Variants in HHAT observed in about 807,000 individuals in gnomAD.
HHAT encodes the protein protein-cysteine N-palmitoyltransferase HHAT.
Under a neutral mutation model 70.8 loss-of-function variants are expected in HHAT, and 47 were observed. The ratio of observed to expected loss-of-function variants is 0.66; its 90% CI spans 0.53 to 0.85. The LOEUF is 0.85. Among genes scored for constraint, HHAT ranks in the 40% least tolerant of loss-of-function variants. The pLI is 0.00. For missense variants in HHAT, 609 were observed against 604.8 expected (o/e 1.01, Z -0.07); for synonymous variants, 228 against 247.6 (o/e 0.92, Z 0.74).
At chr1:210,389,621 T>C (rs974967148) in intron 4 of HHAT, among the ~76,000 whole-genome samples, 2 of 152,230 alleles carry the variant, frequency 1.3e-5, no homozygotes, top group Non-Finnish European at 2.9e-5. Flanking sequence ...TCTGCCACGG[T>C]AAGATATGTT....
At chr1:210,419,790 T>A (rs938323157) in intron 7 of HHAT, among the ~76,000 whole-genome samples, 7 of 152,236 alleles carry the variant, frequency 4.6e-5, no homozygotes, top group African/African-American at 1.7e-4. Flanking sequence ...TTGTAAAGTT[T>A]TAATGATACA....
chr1:210,608,024 C>T (rs1047053134), intron 10 of HHAT, among the ~76,000 whole-genome samples: 4 of 152,184 alleles, frequency 2.6e-5, no homozygotes. Context: ...ATAGTATATG[C>T]AGATCTGTGT....
intron 1 of HHAT, 131 bp downstream of exon 1, chr1:210,329,235 G>A (rs949696668): frequency 8.0e-7 from 1 of 1,243,022 alleles, no homozygotes. Context: ...GTGCGCGCCC[G>A]AGGGCGGGAC....
At chr1:210,526,601 C>G (rs2148622023) in intron 9 of HHAT, among the ~76,000 whole-genome samples, 1 of 152,176 alleles carries the variant, frequency 6.6e-6, no homozygotes, top group African/African-American at 2.4e-5. Flanking sequence ...GACTGCCGTA[C>G]CTCTCTTGCT....
At chr1:210,373,326 A>G (rs766090778) in intron 3 of HHAT, among the ~76,000 whole-genome samples, 34 of 152,088 alleles carry the variant, frequency 2.2e-4, no homozygotes, top group Non-Finnish European at 3.8e-4. Flanking sequence ...AGGAGGGAAA[A>G]CATTTCCTTC....
chr1:210,534,639 G>A lies in HHAT; in HGVS notation c.1043+21451G>A, dbSNP rs2095351296. On this transcript the variant is annotated intron_variant, in intron 9 of 11. Coordinates refer to ENST00000261458, the MANE Select transcript of HHAT (RefSeq NM_018194.6). ...GTTTAATGTATACCTTATATACATA[G>A]CCTGAAGGTAATTTTATACCATATT... Among the ~76,000 whole-genome samples the A allele has an allele frequency of 2.0e-5, 3 of 152,132 alleles. No homozygotes were observed. In the South Asian group the frequency reaches 6.2e-4, roughly 32 times the overall value.
chr1:210,652,165 T>C (rs550034242), intron 11 of HHAT, among the ~76,000 whole-genome samples: 65 of 151,810 alleles, frequency 4.3e-4, no homozygotes, highest in African/African-American at 1.5e-3. Context: ...GGATGATAGA[T>C]GGAATAGAGG....
chr1:210,328,954 A>AG lies in HHAT; in HGVS notation c.-194_-193insG. 8.1e-7 allele frequency: 1 copy of AG among 1,236,506 alleles called. No individual in the cohort carries two copies. The highest frequency in any genetic ancestry group is 1.0e-6 in the Non-Finnish European group (1 of 967,364). 76.6% of individuals were successfully genotyped at this position (1,236,506 alleles called of 1,614,324 possible). On this transcript the variant is annotated 5_prime_UTR_variant, in exon 1 of 12. Coordinates refer to ENST00000261458, the MANE Select transcript of HHAT (RefSeq NM_018194.6). ...GGACGCGCGCTGCGCTGCTCCTCCA[A>AG]AGGGCAGCTCCGGGGGAAAGAGGGT...
chr1:210,589,770 C>T (rs1363038636), intron 10 of HHAT: 1 of 152,226 alleles, frequency 6.6e-6, no homozygotes, highest in Non-Finnish European at 1.5e-5. Flanking sequence ...GCATCAAGCA[C>T]ACTTACTCAC....
At chr1:210,616,264 T>C (rs56991348) in intron 10 of HHAT, among the ~76,000 whole-genome samples, 115 of 152,348 alleles carry the variant, frequency 7.5e-4, no homozygotes, top group Middle Eastern at 3.4e-3. Context: ...CACTGTGTTG[T>C]ACAATAGATT....
At chr1:210,663,467 A>G (rs144010932) in intron 11 of HHAT, among the ~76,000 whole-genome samples, 5 of 152,288 alleles carry the variant, frequency 3.3e-5, no homozygotes, top group East Asian at 1.9e-4. Flanking sequence ...CTAATGTCCA[A>G]TGAGCGTTTA....
intron 9 of HHAT, among the ~76,000 whole-genome samples, chr1:210,571,055 G>A (rs1348304617): frequency 2.0e-5 from 3 of 152,110 alleles, no homozygotes; most frequent in African/African-American, 2.4e-5. Flanking sequence ...CTCGGCCGTC[G>A]AATTGAAAAA....
chr1:210,464,301 A>G (rs1284239052), intron 7 of HHAT, among the ~76,000 whole-genome samples: 7 of 152,216 alleles, frequency 4.6e-5, no homozygotes, highest in Non-Finnish European at 2.9e-5. Context: ...TGCCTGTCAC[A>G]ATAATGAAAT....
At chr1:210,363,056 G>GT (rs1486354758) in intron 3 of HHAT, 137 bp downstream of exon 3, 2 of 733,602 alleles carry the variant, frequency 2.7e-6, no homozygotes, top group Admixed American at 2.2e-5. Context: ...CCGTAAAGGT[G>GT]TGAGTGTGCT....
At chr1:210,560,319 C>T (rs969095114) in intron 9 of HHAT, among the ~76,000 whole-genome samples, 3 of 152,022 alleles carry the variant, frequency 2.0e-5, no homozygotes, top group Non-Finnish European at 4.4e-5. Flanking sequence ...TTTTTTTCCC[C>T]CACTTAAAAA....
At chr1:210,672,509 A>T (rs956108065) in intron 11 of HHAT, among the ~76,000 whole-genome samples, 1 of 152,208 alleles carries the variant, frequency 6.6e-6, no homozygotes, top group Non-Finnish European at 1.5e-5. Flanking sequence ...TGCTCTGTGC[A>T]TTCCATCATC....
At chr1:210,596,342 A>G (rs1663003286) in intron 10 of HHAT, among the ~76,000 whole-genome samples, 1 of 152,126 alleles carries the variant, frequency 6.6e-6, no homozygotes, top group African/African-American at 2.4e-5. Context: ...ACCTTCCTGT[A>G]CTTGAATACT....
At chr1:210,436,404 C>T (rs1396132191) in intron 7 of HHAT, among the ~76,000 whole-genome samples, 1 of 151,404 alleles carries the variant, frequency 6.6e-6, no homozygotes, top group African/African-American at 2.4e-5. Context: ...AGTGTGATGC[C>T]TTCAACTTCG....
At chr1:210,575,282 T>A (rs1221389891) in intron 9 of HHAT, among the ~76,000 whole-genome samples, 1 of 152,102 alleles carries the variant, frequency 6.6e-6, no homozygotes, top group Non-Finnish European at 1.5e-5. Context: ...AGCTTATAAA[T>A]GCTTTCAGCA....
Sources: allele counts gnomAD v4.1 joint callset (sites outside exome capture counted in the v4.1 genomes callset), GRCh38; gene constraint gnomAD v4.1.1; transcripts MANE v1.5; gene names NCBI Gene and HGNC (gene_info 2026-07-23, HGNC 2026-07-21).